EHBP1: variants seen among roughly 807,000 people sequenced by gnomAD.
EHBP1 encodes the protein EH domain-binding protein 1.
Under a neutral mutation model 144.0 loss-of-function variants are expected in EHBP1, and 55 were observed. The observed-to-expected ratio is 0.38, with a 90% CI of 0.31 to 0.48. The LOEUF is 0.48. Among genes scored for constraint, EHBP1 ranks in the 20% least tolerant of loss-of-function variants. EHBP1 has a pLI of 0.98. For synonymous variants in EHBP1, 469 were observed against 472.7 expected (o/e 0.99, Z 0.10); for missense variants, 1,200 against 1,364.2 (o/e 0.88, Z 1.90).
intron 19 of EHBP1, among the ~76,000 whole-genome samples, chr2:63,017,097 A>C (rs149097939): frequency 6.7e-4 from 102 of 152,344 alleles, no homozygotes; most frequent in African/African-American, 2.2e-3. Flanking sequence ...CAGTTTGTAC[A>C]CTAATAGAAT....
chr2:63,042,794 C>G lies in EHBP1; in HGVS notation c.3278-2272C>G, dbSNP rs188373155. The stretch of plus-strand genomic sequence containing the variant: ...TTACTAATTAAAGCCTTAAAAGCAA[C>G]TGGTCAAGTTCAGAGAAGGAATAAT... On this transcript the variant is annotated intron_variant, in intron 21 of 22. Coordinates refer to ENST00000431489, the MANE Select transcript of EHBP1 (RefSeq NM_001142616.3). Among the ~76,000 whole-genome samples, 289 of 151,860 alleles carry G rather than the reference C, an allele frequency of 1.9e-3. 1 individual carries two copies. Among genetic ancestry groups the G allele is most frequent in the African/African-American group, 6.9e-3 (287 of 41,500 alleles).
chr2:62,892,026 A>G (rs2052500619), intron 10 of EHBP1, among the ~76,000 whole-genome samples: 1 of 152,162 alleles, frequency 6.6e-6, no homozygotes, highest in South Asian at 2.1e-4. Context: ...ATATGTTTCT[A>G]GTGCTAAATT....
At chr2:62,695,220 G>A (rs1433044804) in intron 1 of EHBP1, among the ~76,000 whole-genome samples, 1 of 152,116 alleles carries the variant, frequency 6.6e-6, no homozygotes, top group Admixed American at 6.5e-5. Context: ...AATTAGGTGG[G>A]CATGGTGATG....
chr2:62,858,179 C>T (rs2049221913), intron 7 of EHBP1, among the ~76,000 whole-genome samples: 2 of 152,040 alleles, frequency 1.3e-5, no homozygotes, highest in Admixed American at 1.3e-4. Flanking sequence ...TTTTATGTTA[C>T]TAGTATACAT....
At chr2:63,028,317 C>T (rs569094369) in intron 19 of EHBP1, among the ~76,000 whole-genome samples, 1 of 152,018 alleles carries the variant, frequency 6.6e-6, no homozygotes, top group Non-Finnish European at 1.5e-5. Context: ...ATGATCAAAG[C>T]AGGTATAGAG....
intron 1 of EHBP1, among the ~76,000 whole-genome samples, chr2:62,681,361 A>ATATATATATATATATATATATATATATAG (rs2033519955): frequency 1.4e-4 from 2 of 14,530 alleles, no homozygotes; most frequent in South Asian, 2.6e-3. Context: ...TATATATATA[A>ATATATATATATATATATATATATATATAG]TGTGTATATA....
intron 10 of EHBP1, among the ~76,000 whole-genome samples, chr2:62,896,898 T>C (rs1002266920): frequency 2.0e-5 from 3 of 152,084 alleles, no homozygotes; most frequent in African/African-American, 7.2e-5. Context: ...TAGTCTATCT[T>C]ATTGATCCCT....
intron 15 of EHBP1, among the ~76,000 whole-genome samples, chr2:62,981,287 A>T (rs1056503178): frequency 6.6e-6 from 1 of 152,124 alleles, no homozygotes. Flanking sequence ...AATCTTCCAG[A>T]TATTCTAAGT....
chr2:62,737,246 G>C (rs955641175), intron 2 of EHBP1, among the ~76,000 whole-genome samples: 7 of 152,096 alleles, frequency 4.6e-5, no homozygotes, highest in Non-Finnish European at 7.4e-5. Flanking sequence ...AATTCAAAAT[G>C]GTTTATTTCC....
intron 19 of EHBP1, among the ~76,000 whole-genome samples, chr2:63,020,631 A>C (rs2060701705): frequency 6.6e-6 from 1 of 152,066 alleles, no homozygotes; most frequent in African/African-American, 2.4e-5. Flanking sequence ...TACTGCTATC[A>C]GTCAGAGTAG....
chr2:62,876,625 TCA>T (rs1378551689), intron 10 of EHBP1, among the ~76,000 whole-genome samples: 1 of 152,164 alleles, frequency 6.6e-6, no homozygotes, highest in Non-Finnish European at 1.5e-5. Flanking sequence ...TTAAATTGAC[TCA>T]CAGTTCTGCA....
intron 13 of EHBP1, among the ~76,000 whole-genome samples, chr2:62,953,918 T>C (rs543324147): frequency 5.9e-5 from 9 of 152,350 alleles, no homozygotes; most frequent in African/African-American, 2.2e-4. Context: ...TCACAGAATT[T>C]AGAGCTAGTG....
intron 21 of EHBP1, chr2:63,044,273 A>C (rs954253505): frequency 6.7e-6 from 1 of 150,142 alleles, no homozygotes; most frequent in African/African-American, 2.4e-5. Context: ...AAAAAAAAAA[A>C]AAAAAACGCC....
At chr2:62,935,496 T>G (rs954852222) in intron 10 of EHBP1, among the ~76,000 whole-genome samples, 2 of 151,860 alleles carry the variant, frequency 1.3e-5, no homozygotes, top group African/African-American at 4.8e-5. Context: ...GTTTTCAAAT[T>G]TTTAGTTTCT....
At chr2:62,996,378 G>A (rs536424525) in intron 18 of EHBP1, among the ~76,000 whole-genome samples, 10 of 151,948 alleles carry the variant, frequency 6.6e-5, no homozygotes, top group Middle Eastern at 3.4e-3. Context: ...TTTTAACTTA[G>A]CATTAACTTT....
intron 21 of EHBP1, among the ~76,000 whole-genome samples, chr2:63,043,009 T>C (rs2061736961): frequency 6.6e-6 from 1 of 152,106 alleles, no homozygotes; most frequent in Non-Finnish European, 1.5e-5. Flanking sequence ...GTGAAAAAAA[T>C]TAACATTCAT....
chr2:62,857,843 T>A (rs2049180726), intron 7 of EHBP1, among the ~76,000 whole-genome samples: 1 of 151,996 alleles, frequency 6.6e-6, no homozygotes. Flanking sequence ...TAAAGTTGCC[T>A]TAAAAGAACA....
Position 62,718,625 on chromosome 2 carries a change from C to T in EHBP1, c.104+11330C>T, listed in dbSNP as rs76889912. On this transcript the variant is annotated intron_variant, in intron 2 of 22. Transcript: ENST00000431489. ...GGCAAATCTGTCATTTTAGAAGTTA[C>T]GCAATTGCTGAAGAGTATCAAATTA... 8.2e-3 allele frequency among the ~76,000 whole-genome samples: 1,251 copies of T among 152,308 alleles called. 16 individuals are homozygous for T. Among genetic ancestry groups the T allele is most frequent in the African/African-American group, 0.027 (1,141 of 41,566 alleles).
In EHBP1 at chr2:63,045,241, C is replaced by T. The variant is rs991748701; in HGVS notation, c.3392+61C>T. 1.3e-5 allele frequency: 20 copies of T among 1,487,544 alleles called. No individual in the cohort carries two copies. In the African/African-American group the frequency reaches 2.1e-4, roughly 16 times the overall value. The allele number at this position is 1,487,544 out of a possible 1,614,324, so 92.1% of individuals were successfully genotyped here. A position where few individuals can be genotyped will look rare whatever the true frequency, so the allele number is the denominator to read the frequency against. On this transcript the variant is annotated intron_variant, in intron 22 of 22. Transcript: ENST00000431489. The surrounding 1 kb of genome is among the most constrained non-coding windows in gnomAD (Gnocchi z 5.7). The stretch of plus-strand genomic sequence containing the variant: ...ACCTGCCGAGGGGCCGAGAAGTGTG[C>T]GGAAAGTTCAATCCAGAGGTCGCGG...
Sources: gnomAD v4.1 joint callset for allele counts (sites outside exome capture counted in the v4.1 genomes callset) on GRCh38, gnomAD v4.1.1 for gene constraint, Gnocchi (gnomAD v3.1) non-coding constraint, MANE v1.5 for transcripts, NCBI Gene and HGNC (gene_info 2026-07-23, HGNC 2026-07-21) for gene names.